SNX29: variants seen among roughly 807,000 people sequenced by gnomAD.
SNX29 encodes sorting nexin-29.
SNX29 carries 78 observed loss-of-function variants against 102.1 expected under a neutral mutation model. The ratio of observed to expected loss-of-function variants is 0.76; its 90% CI spans 0.64 to 0.92. The LOEUF (loss-of-function observed/expected upper bound fraction) is 0.92, where lower values mean the gene tolerates loss of function less well. SNX29 is among the 40% of genes least tolerant of loss of function. The pLI is 0.00. For synonymous variants in SNX29, 580 were observed against 414.5 expected (o/e 1.40, Z -4.85); for missense variants, 1,280 against 1,061.7 (o/e 1.21, Z -2.86).
intron 4 of SNX29, among the ~76,000 whole-genome samples, chr16:12,028,852 G>A (rs1459797562): frequency 6.6e-6 from 1 of 151,990 alleles, no homozygotes; most frequent in African/African-American, 2.4e-5. Context: ...GGGTTCAGGC[G>A]ATTCTCCTGC....
At chr16:12,152,094 G>A (rs927091193) in intron 13 of SNX29, among the ~76,000 whole-genome samples, 1 of 152,110 alleles carries the variant, frequency 6.6e-6, no homozygotes, top group African/African-American at 2.4e-5. Context: ...GGTGGTATGC[G>A]CCTGTAGTCA....
chr16:12,016,361 T>G (rs1280843218), intron 3 of SNX29, among the ~76,000 whole-genome samples: 1 of 152,240 alleles, frequency 6.6e-6, no homozygotes, highest in Non-Finnish European at 1.5e-5. Context: ...GTTGGGTTGC[T>G]GAGTCAGAGA....
Position 12,337,578 on chromosome 16 carries a change from G to A in SNX29, c.1783-18585G>A, listed in dbSNP as rs549563063. ...GCTGGTCCTAAACTCCTGGGTTCAA[G>A]CGATCCTCCCACCTCGGCCTGCGAA... On this transcript the variant is annotated intron_variant, in intron 15 of 20. Coordinates refer to ENST00000566228, the MANE Select transcript of SNX29 (RefSeq NM_032167.5). Among the ~76,000 whole-genome samples, 6 of 152,156 alleles carry A rather than the reference G, an allele frequency of 3.9e-5. No homozygotes were observed. The South Asian group carries it at 1.2e-3, about 32-fold the overall frequency.
intron 15 of SNX29, among the ~76,000 whole-genome samples, chr16:12,319,715 G>C (rs535268005): frequency 2.6e-5 from 4 of 152,252 alleles, no homozygotes; most frequent in East Asian, 1.9e-4. Flanking sequence ...ATAGCTCTCT[G>C]TAGTGTGCTC....
chr16:12,406,424 A>G (rs2084169230), intron 18 of SNX29, among the ~76,000 whole-genome samples: 1 of 152,224 alleles, frequency 6.6e-6, no homozygotes, highest in African/African-American at 2.4e-5. Context: ...TTCCCGTGAC[A>G]GCCACTGTCT....
chr16:12,333,758 A>C (rs2081363746), intron 15 of SNX29, among the ~76,000 whole-genome samples: 1 of 152,056 alleles, frequency 6.6e-6, no homozygotes, highest in African/African-American at 2.4e-5. Context: ...TGTATCTCTC[A>C]CAGAGCCTAT....
At chr16:12,361,973 GCA>G (rs35786162) in intron 16 of SNX29, among the ~76,000 whole-genome samples, 68,896 of 151,702 alleles carry the variant, frequency 0.45, 16,539 homozygotes, top group Non-Finnish European at 0.55. Flanking sequence ...TTAATAACGA[GCA>G]CATGCCTATA....
At chr16:12,397,962 G>A (rs1168076640) in intron 16 of SNX29, among the ~76,000 whole-genome samples, 1 of 152,162 alleles carries the variant, frequency 6.6e-6, no homozygotes, top group Non-Finnish European at 1.5e-5. Flanking sequence ...GTCAGGAGAA[G>A]CCATATTCTG....
rs886208370 is a variant in SNX29 at position 12,540,714 on chromosome 16, C to T, written c.2318+15873C>T. ...TAGAAGCTCACATATGAAGACGCTC[C>T]AGGGATGAAGAGCTGGGCATCCTTG... is the stretch of plus-strand genomic sequence containing the variant. On this transcript the variant is annotated intron_variant, in intron 20 of 20. Coordinates refer to ENST00000566228, the MANE Select transcript of SNX29 (RefSeq NM_032167.5). 5.9e-5 allele frequency among the ~76,000 whole-genome samples: 9 copies of T among 152,206 alleles called. 1 individual carries two copies. Among genetic ancestry groups the T allele is most frequent in the South Asian group, 2.1e-4 (1 of 4,834 alleles).
chr16:12,544,024 C>G (rs2077469300), intron 20 of SNX29, among the ~76,000 whole-genome samples: 1 of 152,182 alleles, frequency 6.6e-6, no homozygotes, highest in African/African-American at 2.4e-5. Flanking sequence ...GACTCTAGAC[C>G]CCGTTGACTC....
At chr16:12,201,179 G>C (rs2076906038) in intron 14 of SNX29, among the ~76,000 whole-genome samples, 1 of 152,172 alleles carries the variant, frequency 6.6e-6, no homozygotes, top group Non-Finnish European at 1.5e-5. Context: ...TATCAGTGCA[G>C]AATTAATCAT....
chr16:12,240,655 G>A (rs1026240604), intron 14 of SNX29, among the ~76,000 whole-genome samples: 1 of 134,720 alleles, frequency 7.4e-6, no homozygotes, highest in South Asian at 2.4e-4. Context: ...GGAGTGCAGC[G>A]GCATGATCTC....
At chr16:12,390,775 A>G (rs2083501729) in intron 16 of SNX29, among the ~76,000 whole-genome samples, 1 of 150,732 alleles carries the variant, frequency 6.6e-6, no homozygotes. Context: ...TGTTGTCCCC[A>G]TTTTCCAGGA....
At chr16:12,265,843 T>TA (rs1232360315) in intron 14 of SNX29, among the ~76,000 whole-genome samples, 1 of 152,090 alleles carries the variant, frequency 6.6e-6, no homozygotes, top group African/African-American at 2.4e-5. Flanking sequence ...TAAGCCATGA[T>TA]TGTATCATTG....
At chr16:12,552,752 T>C (rs1465833423) in intron 20 of SNX29, among the ~76,000 whole-genome samples, 2 of 152,232 alleles carry the variant, frequency 1.3e-5, no homozygotes, top group African/African-American at 4.8e-5. Context: ...AAATCACTTC[T>C]GATTTAAGGT....
chr16:12,551,004 C>G (rs543897877), intron 20 of SNX29, among the ~76,000 whole-genome samples: 1 of 152,290 alleles, frequency 6.6e-6, no homozygotes, highest in East Asian at 1.9e-4. Context: ...CTAAATATTT[C>G]TTCTCTGGCC....
At chr16:12,566,939 G>A (rs1235656075) in intron 20 of SNX29, among the ~76,000 whole-genome samples, 2 of 152,200 alleles carry the variant, frequency 1.3e-5, no homozygotes, top group African/African-American at 4.8e-5. Flanking sequence ...AGCTTATCAG[G>A]GTGTCAAACT....
intron 18 of SNX29, among the ~76,000 whole-genome samples, chr16:12,439,487 A>G (rs778099795): frequency 1.3e-5 from 2 of 152,236 alleles, no homozygotes; most frequent in African/African-American, 2.4e-5. Context: ...AGGCCTCACA[A>G]TCATGGCGGA....
intron 18 of SNX29, among the ~76,000 whole-genome samples, chr16:12,422,068 A>T (rs2084896906): frequency 6.6e-6 from 1 of 152,174 alleles, no homozygotes; most frequent in Admixed American, 6.5e-5. Context: ...CCATCATCAA[A>T]CATTGTCATC....
Sources: gnomAD v4.1 joint callset for allele counts (sites outside exome capture counted in the v4.1 genomes callset) on GRCh38, gnomAD v4.1.1 for gene constraint, MANE v1.5 for transcripts, NCBI Gene and HGNC (gene_info 2026-07-23, HGNC 2026-07-21) for gene names.